TTC21A: variants seen among roughly 807,000 people sequenced by gnomAD.
TTC21A encodes tetratricopeptide repeat protein 21A.
Under a neutral mutation model 156.4 loss-of-function variants are expected in TTC21A, and 128 were observed. The observed-to-expected ratio is 0.82, with a 90% CI of 0.71 to 0.95. The LOEUF (loss-of-function observed/expected upper bound fraction) is 0.95, where lower values mean the gene tolerates loss of function less well. Ranked by LOEUF, TTC21A falls within the 40% of genes least tolerant of loss-of-function variation. The pLI, the probability that TTC21A is intolerant of heterozygous loss-of-function variation, is 0.00. For synonymous variants in TTC21A, 587 were observed against 617.1 expected (o/e 0.95, Z 0.72); for missense variants, 1,435 against 1,602.3 (o/e 0.90, Z 1.78).
Position 39,133,182 on chromosome 3 carries a change from A to G in TTC21A, c.2693A>G (p.Tyr898Cys). The change falls in exon 20 of 29, where the codon TAT becomes TGT. Residue 898 changes from tyrosine to cysteine, a missense_variant. Transcript: ENST00000683103. Reference sequence around the variant, plus strand: ...GAGCACTACCTGGCAGAGAAAGAGTATGACAAGGCGGTACAGTCTTATAAG... The same window carrying G: ...GAGCACTACCTGGCAGAGAAAGAGTGTGACAAGGCGGTACAGTCTTATAAG... ...FAEHYLAEKE[Y>C]DKAVQSYKDV... 1 of 1,614,284 alleles carries G rather than the reference A, an allele frequency of 6.2e-7. No individual in the cohort carries two copies. The highest frequency in any genetic ancestry group is 1.1e-5 in the South Asian group (1 of 91,090).
chr3:39,129,065 GT>G lies in TTC21A; in HGVS notation c.1897-3del. 6.2e-7 allele frequency: 1 copy of G among 1,614,082 alleles called. No individual in the cohort carries two copies. The highest frequency in any genetic ancestry group is 8.5e-7 in the Non-Finnish European group (1 of 1,179,898). ...AGTGAAGGGTCTGTTTGATTCCCAT[GT>G]TTTAGCATGAGGCCACCAAGGTCAT... On this transcript the variant is annotated splice_polypyrimidine_tract_variant and splice_region_variant and intron_variant, in intron 14 of 28. Transcript: ENST00000683103.
Position 39,110,871 on chromosome 3 carries a change from C to CTTGA in TTC21A, c.290_293dup (p.Glu98AspfsTer2), listed in dbSNP as rs776241876. On this transcript the variant is annotated frameshift_variant, in exon 4 of 29. Coordinates refer to ENST00000683103, the MANE Select transcript of TTC21A (RefSeq NM_001366900.1). LOFTEE classifies it high-confidence loss of function. ...TACAGACCGAGAAGCAATTCAGGAGCTTGAGTACAGCCTGAAGGAAATACG... is the reference window on the plus strand; with the variant it reads ...TACAGACCGAGAAGCAATTCAGGAGCTTGATTGAGTACAGCCTGAAGGAAATACG... 1.2e-6 allele frequency: 2 copies of CTTGA among 1,613,956 alleles called. No homozygotes were observed. The highest frequency in any genetic ancestry group is 2.2e-5 in the South Asian group (2 of 91,056).
Position 39,138,624 on chromosome 3 carries a change from G to GT in TTC21A, c.3864+2dup. 6.2e-7 allele frequency: 1 copy of GT among 1,614,244 alleles called. No homozygotes were observed. Among genetic ancestry groups the GT allele is most frequent in the Non-Finnish European group, 8.5e-7 (1 of 1,180,046 alleles). On this transcript the variant is annotated splice_donor_variant, in intron 28 of 28. Transcript: ENST00000683103. LOFTEE classifies it high-confidence loss of function. ...GGAGGCCATTGAAATCTGCAACGAT[G>GT]TAAGCCAGCAGCCTTGGTGGGGAGG...
intron 7 of TTC21A, chr3:39,119,185 G>A (rs975181108): frequency 1.3e-5 from 2 of 152,212 alleles, no homozygotes; most frequent in African/African-American, 4.8e-5. Context: ...TGGCTACCCA[G>A]TTCTAATTTT....
rs748822647 is a variant in TTC21A at position 39,128,854 on chromosome 3, C to T, written c.1818C>T (p.Leu606=). Reference sequence around the variant, plus strand: ...AGAAGGAAGAAGGCAGAAAGTTCCTCAGGCCCTCTGTGCAGCCTAGCCAGC... The same window carrying T: ...AGAAGGAAGAAGGCAGAAAGTTCCTTAGGCCCTCTGTGCAGCCTAGCCAGC... ...ALKKEEGRKF[L]RPSVQPSQRA... Residue 606 remains leucine (L), a synonymous_variant, in exon 14 of 29, where the codon CTC becomes CTT. Transcript: ENST00000683103. 6 of 1,614,084 alleles carry T rather than the reference C, an allele frequency of 3.7e-6. No homozygotes were observed. In the Admixed American group the frequency reaches 1.0e-4, roughly 27 times the overall value.
At position 39,133,255 on chromosome 3, in the gene TTC21A, A is replaced by T. The variant is rs1398747378; in HGVS notation, c.2751+15A>T. 1.5e-5 allele frequency: 24 copies of T among 1,609,208 alleles called. No homozygotes were observed. Among genetic ancestry groups the T allele is most frequent in the Non-Finnish European group, 2.0e-5 (23 of 1,176,588 alleles). The stretch of plus-strand genomic sequence containing the variant: ...CTGACAATAAGGTGAGTGGCCCTCA[A>T]AGCAAGAGGCTGCTTTCTCCCTCAG... On this transcript the variant is annotated intron_variant, in intron 20 of 28. Coordinates refer to ENST00000683103, the MANE Select transcript of TTC21A (RefSeq NM_001366900.1).
intron 9 of TTC21A, 124 bp downstream of exon 9, chr3:39,121,313 A>G: frequency 1.3e-6 from 1 of 789,798 alleles, no homozygotes; most frequent in East Asian, 2.6e-5. Context: ...TTTGGGGTAC[A>G]ATGTATGATG....
intron 11 of TTC21A, among the ~76,000 whole-genome samples, chr3:39,125,833 G>A (rs748643162): frequency 6.6e-6 from 1 of 152,208 alleles, no homozygotes; most frequent in South Asian, 2.1e-4. Flanking sequence ...ACAGGGCACC[G>A]GCCCATGGCC....
chr3:39,137,486 A>G lies in TTC21A; in HGVS notation c.3451A>G (p.Lys1151Glu). Reference sequence around the variant, plus strand: ...CGTCCACTTCCTACCTGGTGTGTAGAAGGACAGCGTCCCTGCCCTGCTGGC... The same window carrying G: ...CGTCCACTTCCTACCTGGTGTGTAGGAGGACAGCGTCCCTGCCCTGCTGGC... Reference protein sequence around the residue: ...GSFIQIAQAEKDSVPALLALA... With the variant: ...GSFIQIAQAEEDSVPALLALA... The change falls in exon 26 of 29, where the codon AAG becomes GAG. Residue 1151 changes from lysine to glutamate, a missense_variant and splice_region_variant. By Grantham distance (56) the Lys-to-Glu change is moderately conservative. Transcript: ENST00000683103. 6.2e-7 allele frequency: 1 copy of G among 1,614,120 alleles called. No homozygotes were observed. Among genetic ancestry groups the G allele is most frequent in the Admixed American group, 1.7e-5 (1 of 60,024 alleles).
intron 3 of TTC21A, chr3:39,110,359 A>G: frequency 1.6e-6 from 1 of 607,154 alleles, no homozygotes; most frequent in South Asian, 1.9e-5. Flanking sequence ...GGCAGAGCCC[A>G]TGACAGTGGG....
At position 39,136,478 on chromosome 3, in the gene TTC21A, G is replaced by T. The variant is rs2039123937; in HGVS notation, c.3066G>T (p.Gly1022=). 3.7e-6 allele frequency: 6 copies of T among 1,614,254 alleles called. No individual in the cohort carries two copies. The highest frequency in any genetic ancestry group is 5.1e-6 in the Non-Finnish European group (6 of 1,180,038). ...KVSSRVPLEP[G]FNYCRGIYCW... ...CTAGCCGGGTGCCTTTGGAACCAGG[G>T]TTCAATTACTGCAGAGGTATCTACT... is the stretch of plus-strand genomic sequence containing the variant. Residue 1022 remains glycine, a synonymous_variant, in exon 23 of 29, where the codon GGG becomes GGT. Transcript: ENST00000683103.
rs766538537 is a variant in TTC21A at position 39,128,814 on chromosome 3, A to G, written c.1778A>G (p.Lys593Arg). 7.4e-6 allele frequency: 12 copies of G among 1,614,210 alleles called. No individual in the cohort carries two copies. The highest frequency in any genetic ancestry group is 1.0e-5 in the Non-Finnish European group (12 of 1,180,034). Residue 593 changes from lysine (K) to arginine (R), a missense_variant, in exon 14 of 29, where the codon AAA (lysine) becomes AGA (arginine). Lys to Arg is a conservative substitution (Grantham distance 26). Coordinates refer to ENST00000683103, the MANE Select transcript of TTC21A (RefSeq NM_001366900.1). ...ATAAAGACGCTGAAAATGGTCATCA[A>G]ATTGCCAGCTCTGAAGAAGGAAGAA... is the stretch of plus-strand genomic sequence containing the variant. ...EAIKTLKMVI[K>R]LPALKKEEGR...
At chr3:39,110,713 GT>G in intron 3 of TTC21A, 137 bp from the exon 4 acceptor site, 8 of 858,368 alleles carry the variant, frequency 9.3e-6, no homozygotes, top group Non-Finnish European at 1.3e-5. Flanking sequence ...TGCATGCGGT[GT>G]GCTGCATATG....
At chr3:39,117,932 C>A in intron 6 of TTC21A, 137 bp from the exon 7 acceptor site, 1 of 697,790 alleles carries the variant, frequency 1.4e-6, no homozygotes. Context: ...GCAGCTTGTG[C>A]CTGGCTAATT....
Position 39,134,815 on chromosome 3 carries a change from CCCACTGGTCTCTA to C in TTC21A, c.2863-272_2863-260del. The C allele has an allele frequency of 1.8e-6, 1 of 552,764 alleles. No individual in the cohort carries two copies. The highest frequency in any genetic ancestry group is 3.2e-6 in the Non-Finnish European group (1 of 307,850). The allele number at this position is 552,764 out of a possible 1,614,324, so 34.2% of individuals were successfully genotyped here. ...CTTCCCCTGTAGGCTGTCAAAAAGC[CCCACTGGTCTCTA>C]CCACTAGTCTTACCTTCCCATGTAC... On this transcript the variant is annotated intron_variant, in intron 21 of 28. Coordinates refer to ENST00000683103, the MANE Select transcript of TTC21A (RefSeq NM_001366900.1). The surrounding 1 kb of genome is among the most constrained non-coding windows in gnomAD (Gnocchi z 4.6).
intron 12 of TTC21A, 103 bp downstream of exon 12, chr3:39,126,493 C>CACAT: frequency 2.2e-6 from 2 of 924,438 alleles, no homozygotes; most frequent in Non-Finnish European, 1.6e-6. Flanking sequence ...CACACACACA[C>CACAT]ACACACACAC....
Position 39,130,467 on chromosome 3 carries a change from T to C in TTC21A, c.2319+109T>C. Reference sequence around the variant, plus strand: ...GGGTGGGAGGAGAGTGGCTGACTTTTCACTCAGCTCCTTGCTGAATGGGGT... The same window carrying C: ...GGGTGGGAGGAGAGTGGCTGACTTTCCACTCAGCTCCTTGCTGAATGGGGT... On this transcript the variant is annotated intron_variant, in intron 17 of 28. Coordinates refer to ENST00000683103, the MANE Select transcript of TTC21A (RefSeq NM_001366900.1). The surrounding 1 kb of genome is among the most constrained non-coding windows in gnomAD (Gnocchi z 4.5). 3.0e-6 allele frequency: 3 copies of C among 988,054 alleles called. No homozygotes were observed. The South Asian group carries it at 4.9e-5, about 16-fold the overall frequency. The allele number at this position is 988,054 out of a possible 1,614,324, so 61.2% of individuals were successfully genotyped here. A position where few individuals can be genotyped will look rare whatever the true frequency, so the allele number is the denominator to read the frequency against.
rs759135344 is a variant in TTC21A, at chr3:39,107,810, C to T, written c.-28C>T. 3.1e-6 allele frequency: 5 copies of T among 1,612,460 alleles called. No individual in the cohort carries two copies. The South Asian group carries it at 5.5e-5, about 18-fold the overall frequency. Reference sequence around the variant, plus strand: ...CCCGCTCTGCACCGCCCCACCAGACCCGGACTCGGAGCCGCGAGCGGCCCG... The same window carrying T: ...CCCGCTCTGCACCGCCCCACCAGACTCGGACTCGGAGCCGCGAGCGGCCCG... On this transcript the variant is annotated 5_prime_UTR_variant, in exon 1 of 29. Coordinates refer to ENST00000683103, the MANE Select transcript of TTC21A (RefSeq NM_001366900.1).
Position 39,130,948 on chromosome 3 carries a change from C to G in TTC21A, c.2459-44C>G. Reference sequence around the variant, plus strand: ...AGCGCTCCCCACCAACACAGCTTCCCAGGAGCCAGTGAACTAACACTAATT... The same window carrying G: ...AGCGCTCCCCACCAACACAGCTTCCGAGGAGCCAGTGAACTAACACTAATT... On this transcript the variant is annotated intron_variant, in intron 18 of 28. Coordinates refer to ENST00000683103, the MANE Select transcript of TTC21A (RefSeq NM_001366900.1). This position sits in a 1 kb window ranked among gnomAD's most constrained non-coding sequence, Gnocchi z 4.5. The G allele has an allele frequency of 1.2e-6, 2 of 1,607,898 alleles. No homozygotes were observed. Among genetic ancestry groups the G allele is most frequent in the African/African-American group, 1.3e-5 (1 of 74,758 alleles).
Sources: gnomAD v4.1 joint callset for allele counts (sites outside exome capture counted in the v4.1 genomes callset) on GRCh38, gnomAD v4.1.1 for gene constraint, Gnocchi (gnomAD v3.1) non-coding constraint, MANE v1.5 for transcripts, NCBI Gene and HGNC (gene_info 2026-07-23, HGNC 2026-07-21) for gene names.